RAD51B: variants seen among roughly 807,000 people sequenced by gnomAD.
The protein encoded by RAD51B is DNA repair protein RAD51 homolog 2.
RAD51B carries 38 observed loss-of-function variants against 42.2 expected under a neutral mutation model. The ratio of observed to expected loss-of-function variants is 0.90; its 90% CI spans 0.70 to 1.18. The LOEUF is 1.18. Among genes scored for constraint, RAD51B ranks in the 50% most tolerant of loss-of-function variants. The pLI is 0.00. For missense variants in RAD51B, 373 were observed against 400.7 expected (o/e 0.93, Z 0.59); for synonymous variants, 154 against 145.2 (o/e 1.06, Z -0.43).
chr14:67,927,658 T>C (rs982702885), intron 7 of RAD51B, among the ~76,000 whole-genome samples: 1 of 152,006 alleles, frequency 6.6e-6, no homozygotes, highest in Admixed American at 6.6e-5. Flanking sequence ...TCACTTCAAA[T>C]GACATGATTT....
At chr14:68,393,012 T>A (rs1309974056) in intron 8 of RAD51B, among the ~76,000 whole-genome samples, 2 of 152,238 alleles carry the variant, frequency 1.3e-5, no homozygotes, top group Non-Finnish European at 2.9e-5. Context: ...TCACTTCTCC[T>A]TCCTTTGTCT....
At chr14:68,364,013 G>A (rs1304192220) in intron 8 of RAD51B, among the ~76,000 whole-genome samples, 1 of 152,134 alleles carries the variant, frequency 6.6e-6, no homozygotes, top group Non-Finnish European at 1.5e-5. Flanking sequence ...AGGCCTCCAC[G>A]GGCTTCCTTC....
At chr14:68,068,048 T>G (rs904156508) in intron 7 of RAD51B, among the ~76,000 whole-genome samples, 1 of 151,882 alleles carries the variant, frequency 6.6e-6, no homozygotes, top group Non-Finnish European at 1.5e-5. Flanking sequence ...GATGTGCATT[T>G]CAGGTAGAGG....
chr14:68,559,927 G>A (rs544265854), intron 10 of RAD51B, among the ~76,000 whole-genome samples: 4 of 152,236 alleles, frequency 2.6e-5, no homozygotes, highest in South Asian at 4.1e-4. Flanking sequence ...CTGGCTGCGC[G>A]GCTCTTCCCT....
At chr14:68,000,585 G>A (rs565841861) in intron 7 of RAD51B, among the ~76,000 whole-genome samples, 132 of 151,976 alleles carry the variant, frequency 8.7e-4, no homozygotes, top group Non-Finnish European at 1.3e-3. Context: ...TTAGTGTTTT[G>A]CATTGTTAAA....
At chr14:68,415,031 CAAAAAAAA>C (rs71129885) in intron 9 of RAD51B, among the ~76,000 whole-genome samples, 47 of 32,514 alleles carry the variant, frequency 1.4e-3, no homozygotes, top group South Asian at 5.1e-3. Flanking sequence ...GACTCTGTCT[CAAAAAAAA>C]AAAAAAAAAA....
intron 7 of RAD51B, among the ~76,000 whole-genome samples, chr14:68,222,816 A>C (rs147622128): frequency 4.7e-4 from 71 of 152,290 alleles, no homozygotes; most frequent in African/African-American, 1.7e-3. Flanking sequence ...GTAGTTACCC[A>C]AGAGGTATTT....
intron 10 of RAD51B, among the ~76,000 whole-genome samples, chr14:68,625,403 G>A (rs564216830): frequency 6.6e-6 from 1 of 152,172 alleles, no homozygotes; most frequent in Non-Finnish European, 1.5e-5. Context: ...CTCCCAAGCT[G>A]CCCTCATCCT....
chr14:68,201,273 G>A (rs1240196435), intron 7 of RAD51B, among the ~76,000 whole-genome samples: 1 of 151,980 alleles, frequency 6.6e-6, no homozygotes, highest in South Asian at 2.1e-4. Flanking sequence ...CTCTTTCTTG[G>A]TTACAATTTT....
At chr14:68,466,230 G>T (rs776989217) in intron 9 of RAD51B, among the ~76,000 whole-genome samples, 51 of 152,152 alleles carry the variant, frequency 3.4e-4, no homozygotes, top group Admixed American at 9.8e-4. Context: ...GTGAGTGAGG[G>T]TTAAGGGAAC....
chr14:68,145,933 T>G (rs1039085872), intron 7 of RAD51B, among the ~76,000 whole-genome samples: 1 of 152,196 alleles, frequency 6.6e-6, no homozygotes, highest in Non-Finnish European at 1.5e-5. Flanking sequence ...AAACTTTGGA[T>G]TTTTAGTGTT....
At chr14:68,080,998 T>C (rs938441626) in intron 7 of RAD51B, among the ~76,000 whole-genome samples, 3 of 152,192 alleles carry the variant, frequency 2.0e-5, no homozygotes, top group African/African-American at 7.2e-5. Context: ...CTGGTCCTGA[T>C]CTGATGTAGG....
chr14:68,430,808 A>G (rs1472933355), intron 9 of RAD51B, among the ~76,000 whole-genome samples: 4 of 151,938 alleles, frequency 2.6e-5, no homozygotes, highest in Admixed American at 1.3e-4. Flanking sequence ...GTGGTGAGAG[A>G]GGGCATCCCT....
At position 68,433,381 on chromosome 14, in the gene RAD51B, C is replaced by T. The variant is rs539263262; in HGVS notation, c.957+21854C>T. On this transcript the variant is annotated intron_variant, in intron 9 of 10. Coordinates refer to ENST00000471583, the MANE Select transcript of RAD51B (RefSeq NM_133510.4). ...CCATTCTCCCCATCACTTTCAGGTA[C>T]ACCAATCAGACGTAGATTTGGTCTT... 2.9e-3 allele frequency among the ~76,000 whole-genome samples: 447 copies of T among 152,276 alleles called. 2 individuals are homozygous for T. Among genetic ancestry groups the T allele is most frequent in the African/African-American group, 0.01 (421 of 41,520 alleles).
intron 10 of RAD51B, among the ~76,000 whole-genome samples, chr14:68,528,035 G>T (rs1887045918): frequency 6.6e-6 from 1 of 151,958 alleles, no homozygotes. Context: ...TCAGTTTGTG[G>T]GCTCCAGTCA....
At chr14:67,867,848 CT>C (rs1303344770) in intron 5 of RAD51B, among the ~76,000 whole-genome samples, 2 of 152,178 alleles carry the variant, frequency 1.3e-5, no homozygotes, top group African/African-American at 4.8e-5. Context: ...ATTGTCTCCA[CT>C]TTGTGCTTGC....
At chr14:67,958,367 G>A (rs547783837) in intron 7 of RAD51B, among the ~76,000 whole-genome samples, 1 of 152,256 alleles carries the variant, frequency 6.6e-6, no homozygotes, top group South Asian at 2.1e-4. Flanking sequence ...GCTTAGCCTG[G>A]CTAGGCAGCA....
At chr14:68,665,722 G>A (rs1397542479) in intron 11 of RAD51B, among the ~76,000 whole-genome samples, 1 of 152,182 alleles carries the variant, frequency 6.6e-6, no homozygotes, top group Non-Finnish European at 1.5e-5. Context: ...CGAATGGCTA[G>A]ATTATGAATG....
chr14:68,622,165 T>C (rs1891963378), intron 10 of RAD51B, among the ~76,000 whole-genome samples: 2 of 152,212 alleles, frequency 1.3e-5, no homozygotes, highest in Admixed American at 1.3e-4. Context: ...TGGAGGGACC[T>C]TGGCAATCGT....
Sources: allele counts gnomAD v4.1 joint callset (sites outside exome capture counted in the v4.1 genomes callset), GRCh38; gene constraint gnomAD v4.1.1; transcripts MANE v1.5; gene names NCBI Gene and HGNC (gene_info 2026-07-23, HGNC 2026-07-21).